Variants in PDE7B observed in about 807,000 individuals in gnomAD.
The protein encoded by PDE7B is 3',5'-cyclic-AMP phosphodiesterase 7B.
In PDE7B, 29 loss-of-function variants were observed where a neutral mutation model predicts 56.2. That is an observed-to-expected ratio of 0.52 (90% CI 0.38 to 0.70). The LOEUF (loss-of-function observed/expected upper bound fraction) is 0.70, where lower values mean the gene tolerates loss of function less well. Among genes scored for constraint, PDE7B ranks in the 30% least tolerant of loss-of-function variants. The pLI, the probability that PDE7B is intolerant of heterozygous loss-of-function variation, is 0.00. For missense variants in PDE7B, 490 were observed against 565.0 expected (o/e 0.87, Z 1.35); for synonymous variants, 197 against 196.9 (o/e 1.00, Z 0.00).
intron 1 of PDE7B, among the ~76,000 whole-genome samples, chr6:135,878,023 T>TG: frequency 6.6e-6 from 1 of 152,226 alleles, no homozygotes; most frequent in South Asian, 2.1e-4. Context: ...TCCAGAGTTC[T>TG]GGGGAAAGGA....
intron 8 of PDE7B, among the ~76,000 whole-genome samples, chr6:136,169,791 A>G (rs1778851479): frequency 6.6e-6 from 1 of 152,222 alleles, no homozygotes; most frequent in South Asian, 2.1e-4. Flanking sequence ...GTGATTTTCA[A>G]TCAGCCTTCT....
chr6:135,902,913 T>C (rs945915501), intron 1 of PDE7B, among the ~76,000 whole-genome samples: 9 of 152,192 alleles, frequency 5.9e-5, no homozygotes, highest in Non-Finnish European at 1.2e-4. Context: ...CTCCTCATTC[T>C]ACTGATTAGG....
chr6:136,144,442 A>G (rs954509922), intron 3 of PDE7B, among the ~76,000 whole-genome samples: 3 of 152,150 alleles, frequency 2.0e-5, no homozygotes, highest in African/African-American at 4.8e-5. Flanking sequence ...CCACACTTCA[A>G]TTATCAGACA....
Position 136,191,720 on chromosome 6 carries a change from C to T in PDE7B, c.1233C>T (p.Ala411=), listed in dbSNP as rs1230160038. ...TGGGCCACCTCGCACACAACAAGGC[C>T]CAGTGGAAGAGCCTGTTGCCCAGGC... ...NMLGHLAHNK[A]QWKSLLPRQH... Residue 411 remains alanine, a synonymous_variant, in exon 13 of 13, where the codon GCC becomes GCT. Transcript: ENST00000308191. The T allele has an allele frequency of 6.2e-7, 1 of 1,611,682 alleles. No individual in the cohort carries two copies. The highest frequency in any genetic ancestry group is 1.3e-5 in the African/African-American group (1 of 74,852).
rs1469761000 is a variant in PDE7B at position 135,933,215 on chromosome 6, CAT to C, written c.22-14246_22-14245del. On this transcript the variant is annotated intron_variant, in intron 1 of 12. Transcript: ENST00000308191. The stretch of plus-strand genomic sequence containing the variant: ...TGCACTACAAAGCACAGTTATGTAA[CAT>C]ATGTCATATGTATCTGTGTATAAAT... Among the ~76,000 whole-genome samples, 4 of 152,326 alleles carry C rather than the reference CAT, an allele frequency of 2.6e-5. No homozygotes were observed. The South Asian group carries it at 8.3e-4, about 32-fold the overall frequency.
In PDE7B at chr6:136,191,872, C is replaced by T; in HGVS notation, c.*32C>T. ...GCCCAACTTAGACGCGGCTCTCCTC[C>T]GGCAGGGCCCCCAGAGGGCAGAAGC... is the stretch of plus-strand genomic sequence containing the variant. On this transcript the variant is annotated 3_prime_UTR_variant, in exon 13 of 13. Transcript: ENST00000308191. The T allele has an allele frequency of 1.3e-6, 2 of 1,502,978 alleles. No individual in the cohort carries two copies. Among genetic ancestry groups the T allele is most frequent in the East Asian group, 2.5e-5 (1 of 40,652 alleles). 93.1% of individuals were successfully genotyped at this position (1,502,978 alleles called of 1,614,324 possible). A position where few individuals can be genotyped will look rare whatever the true frequency, so the allele number is the denominator to read the frequency against.
chr6:135,921,834 A>C (rs532522490), intron 1 of PDE7B, among the ~76,000 whole-genome samples: 46 of 152,148 alleles, frequency 3.0e-4, no homozygotes, highest in Admixed American at 4.6e-4. Context: ...TGTTCTCCAC[A>C]TCCCTTTCTA....
chr6:136,061,846 G>A (rs1482274251), intron 2 of PDE7B, among the ~76,000 whole-genome samples: 2 of 152,158 alleles, frequency 1.3e-5, no homozygotes, highest in Non-Finnish European at 2.9e-5. Flanking sequence ...TCTGGCTCTT[G>A]CTACATATGT....
chr6:136,058,102 G>A (rs1223242715), intron 2 of PDE7B, among the ~76,000 whole-genome samples: 1 of 152,132 alleles, frequency 6.6e-6, no homozygotes, highest in Non-Finnish European at 1.5e-5. Context: ...TCCAACCACT[G>A]CTTTTTAGGA....
chr6:136,020,531 T>C (rs1294873884), intron 2 of PDE7B, among the ~76,000 whole-genome samples: 2 of 152,176 alleles, frequency 1.3e-5, no homozygotes, highest in Non-Finnish European at 2.9e-5. Context: ...CCATACCATC[T>C]CTCTGAGACA....
At chr6:136,157,550 C>A (rs1046298664) in intron 8 of PDE7B, among the ~76,000 whole-genome samples, 1 of 152,140 alleles carries the variant, frequency 6.6e-6, no homozygotes, top group Admixed American at 6.5e-5. Flanking sequence ...TGCACTCCAG[C>A]CTGGGCAACA....
chr6:135,899,048 A>T (rs1775952022), intron 1 of PDE7B, among the ~76,000 whole-genome samples: 1 of 152,024 alleles, frequency 6.6e-6, no homozygotes, highest in Non-Finnish European at 1.5e-5. Flanking sequence ...GTCTCCTGAG[A>T]TCTGGTGGTT....
chr6:136,047,542 GTTTTGAAAAAT>G (rs1259714278), intron 2 of PDE7B: 1 of 152,042 alleles, frequency 6.6e-6, no homozygotes, highest in African/African-American at 2.4e-5. Flanking sequence ...AACAAATTTT[GTTTTGAAAAAT>G]TTTTGAAAAT....
At chr6:136,131,239 A>G (rs1778111863) in intron 3 of PDE7B, among the ~76,000 whole-genome samples, 1 of 152,184 alleles carries the variant, frequency 6.6e-6, no homozygotes, top group African/African-American at 2.4e-5. Context: ...CCTAATTAAA[A>G]CATTATGCAA....
chr6:136,146,480 C>T (rs772248984), intron 3 of PDE7B, among the ~76,000 whole-genome samples: 2 of 152,170 alleles, frequency 1.3e-5, no homozygotes, highest in African/African-American at 4.8e-5. Context: ...AGAGAGAATA[C>T]ACCATTAGAA....
intron 1 of PDE7B, among the ~76,000 whole-genome samples, chr6:135,912,682 G>A (rs186120105): frequency 1.3e-5 from 2 of 152,214 alleles, no homozygotes; most frequent in East Asian, 3.9e-4. Flanking sequence ...CAGCTGAGAG[G>A]AAAAAATAAA....
intron 1 of PDE7B, among the ~76,000 whole-genome samples, chr6:135,878,107 T>G (rs1204925896): frequency 1.3e-5 from 2 of 152,234 alleles, no homozygotes; most frequent in Admixed American, 1.3e-4. Context: ...CCAAGGGGTA[T>G]GGACAGAGAA....
chr6:135,946,825 C>G (rs1241464463), intron 1 of PDE7B, among the ~76,000 whole-genome samples: 3 of 152,082 alleles, frequency 2.0e-5, no homozygotes, highest in African/African-American at 7.2e-5. Context: ...ACTCATCATA[C>G]AACTGTGGCC....
intron 1 of PDE7B, among the ~76,000 whole-genome samples, chr6:135,906,428 T>A (rs1023365282): frequency 6.6e-6 from 1 of 152,168 alleles, no homozygotes; most frequent in Non-Finnish European, 1.5e-5. Flanking sequence ...TATTTAGCTA[T>A]TATCCCATCA....
Sources: gnomAD v4.1 joint callset for allele counts (sites outside exome capture counted in the v4.1 genomes callset) on GRCh38, gnomAD v4.1.1 for gene constraint, MANE v1.5 for transcripts, NCBI Gene and HGNC (gene_info 2026-07-23, HGNC 2026-07-21) for gene names.